Variants in SGIP1 observed in about 807,000 individuals in gnomAD.
SGIP1 encodes the protein SH3-containing GRB2-like protein 3-interacting protein 1.
In SGIP1, 38 loss-of-function variants were observed where a neutral mutation model predicts 107.5. The observed-to-expected ratio is 0.35, with a 90% confidence interval of 0.27 to 0.46. The LOEUF (loss-of-function observed/expected upper bound fraction) is 0.46, where lower values mean the gene tolerates loss of function less well. SGIP1 is among the 20% of genes least tolerant of loss of function. The pLI, the probability that SGIP1 is intolerant of heterozygous loss-of-function variation, is 1.00. For synonymous variants in SGIP1, 365 were observed against 366.1 expected (o/e 1.00, Z 0.03); for missense variants, 929 against 1,019.5 (o/e 0.91, Z 1.21).
chr1:66,634,211 C>A (rs1157799444), intron 3 of SGIP1: 1 of 1,490,662 alleles, frequency 6.7e-7, no homozygotes, highest in Admixed American at 1.8e-5. Context: ...TTGGTCCCCT[C>A]CCTGGGTTCT....
chr1:66,743,038 C>T (rs2094506799), intron 24 of SGIP1, 35 bp from the exon 25 acceptor site: 1 of 1,612,280 alleles, frequency 6.2e-7, no homozygotes, highest in Non-Finnish European at 8.5e-7. Flanking sequence ...ATTGAACTAC[C>T]AGATAACCTG....
intron 3 of SGIP1, among the ~76,000 whole-genome samples, chr1:66,634,747 T>C (rs2075452686): frequency 6.6e-6 from 1 of 152,236 alleles, no homozygotes; most frequent in African/African-American, 2.4e-5. Context: ...ACGTTCAAAA[T>C]AAATGCACTT....
At chr1:66,562,464 G>A (rs772950973) in intron 1 of SGIP1, among the ~76,000 whole-genome samples, 2 of 151,902 alleles carry the variant, frequency 1.3e-5, no homozygotes, top group Non-Finnish European at 2.9e-5. Flanking sequence ...GGGAGTATAT[G>A]AACAATAAAG....
chr1:66,586,066 G>C (rs1424616903), intron 1 of SGIP1, among the ~76,000 whole-genome samples: 1 of 152,036 alleles, frequency 6.6e-6, no homozygotes, highest in Non-Finnish European at 1.5e-5. Flanking sequence ...ATTAAGAATT[G>C]CTAATGTCTC....
chr1:66,644,832 TG>T (rs2077388909), intron 7 of SGIP1, among the ~76,000 whole-genome samples: 1 of 152,276 alleles, frequency 6.6e-6, no homozygotes. Flanking sequence ...ATATTTAAGG[TG>T]ATTTTTAATC....
At chr1:66,588,638 C>CTTTTTTTTTTT (rs35096597) in intron 1 of SGIP1, among the ~76,000 whole-genome samples, 5 of 98,664 alleles carry the variant, frequency 5.1e-5, no homozygotes, top group African/African-American at 1.5e-4. Context: ...CTAGTTAGTT[C>CTTTTTTTTTTT]TTTTTTTTTT....
At chr1:66,555,276 C>T (rs892792272) in intron 1 of SGIP1, among the ~76,000 whole-genome samples, 2 of 152,084 alleles carry the variant, frequency 1.3e-5, no homozygotes, top group Admixed American at 1.3e-4. Flanking sequence ...TTTCCTTCTC[C>T]ATCACTTGTG....
intron 1 of SGIP1, among the ~76,000 whole-genome samples, chr1:66,584,613 C>T (rs1415699730): frequency 6.6e-6 from 1 of 152,068 alleles, no homozygotes; most frequent in African/African-American, 2.4e-5. Context: ...ATGTTAGCTT[C>T]CTTAGCAGGT....
At chr1:66,630,729 C>T (rs1488270046) in intron 2 of SGIP1, among the ~76,000 whole-genome samples, 1 of 148,142 alleles carries the variant, frequency 6.8e-6, no homozygotes, top group Non-Finnish European at 1.5e-5. Context: ...TCACTTGAGC[C>T]TGGGAGGCAG....
chr1:66,659,950 A>AAGAAAAAAAAGAAAG (rs752459188), intron 7 of SGIP1, among the ~76,000 whole-genome samples: 7 of 43,034 alleles, frequency 1.6e-4, no homozygotes, highest in Non-Finnish European at 2.2e-4. Context: ...AAAAGAAAGA[A>AAGAAAAAAAAGAAAG]AAAGAAAGAA....
chr1:66,693,148 G>A (rs189419021), intron 17 of SGIP1, among the ~76,000 whole-genome samples: 6 of 152,030 alleles, frequency 3.9e-5, no homozygotes, highest in African/African-American at 1.2e-4. Flanking sequence ...GGTGGTGTGC[G>A]GTGGTAATCT....
At chr1:66,712,377 C>T (rs1001726854) in intron 18 of SGIP1, among the ~76,000 whole-genome samples, 14 of 152,092 alleles carry the variant, frequency 9.2e-5, no homozygotes, top group East Asian at 3.9e-4. Context: ...AGAGATTATA[C>T]GGAAAATGGA....
At chr1:66,739,161 G>A (rs1262911439) in intron 21 of SGIP1, among the ~76,000 whole-genome samples, 174 bp from the exon 22 acceptor site, 1 of 151,792 alleles carries the variant, frequency 6.6e-6, no homozygotes, top group East Asian at 1.9e-4. Context: ...AGCTGCTTTC[G>A]TGTTTTTAGT....
chr1:66,605,593 C>T (rs780782368), intron 1 of SGIP1, among the ~76,000 whole-genome samples: 24 of 151,488 alleles, frequency 1.6e-4, no homozygotes, highest in Non-Finnish European at 2.9e-4. Flanking sequence ...AACTACTGCG[C>T]TATCTAGTGT....
intron 17 of SGIP1, among the ~76,000 whole-genome samples, chr1:66,694,056 G>T (rs1189353401): frequency 6.6e-6 from 1 of 152,182 alleles, no homozygotes; most frequent in Admixed American, 6.5e-5. Context: ...GATTCTTGTT[G>T]ATGGACATAT....
At chr1:66,718,271 T>C (rs574185235) in intron 18 of SGIP1, among the ~76,000 whole-genome samples, 1 of 152,062 alleles carries the variant, frequency 6.6e-6, no homozygotes, top group Admixed American at 6.6e-5. Context: ...GGGGAAGCAG[T>C]GAGTATTACC....
intron 2 of SGIP1, 71 bp downstream of exon 2, chr1:66,625,981 TAAGATGGC>T: frequency 8.4e-7 from 1 of 1,196,852 alleles, no homozygotes; most frequent in Non-Finnish European, 1.2e-6. Context: ...ACAGTCAATA[TAAGATGGC>T]CACAGTTTTC....
chr1:66,748,529 A>G lies in SGIP1; in HGVS notation c.*5434A>G, dbSNP rs949949243. ...AAAAGACACCTATTTGTTGGCATTG[A>G]CCATGGGTATAATAATTTATTCTCT... On this transcript the variant is annotated 3_prime_UTR_variant, in exon 25 of 25. Coordinates refer to ENST00000371037, the MANE Select transcript of SGIP1 (RefSeq NM_032291.4). 1.3e-5 allele frequency among the ~76,000 whole-genome samples: 2 copies of G among 151,950 alleles called. No individual in the cohort carries two copies. The highest frequency in any genetic ancestry group is 2.9e-5 in the Non-Finnish European group (2 of 67,868).
chr1:66,577,048 A>C (rs1346508429), intron 1 of SGIP1, among the ~76,000 whole-genome samples: 4 of 152,308 alleles, frequency 2.6e-5, no homozygotes, highest in African/African-American at 9.6e-5. Flanking sequence ...GGCAACTTTT[A>C]GTGCATTGGA....
Sources: allele counts gnomAD v4.1 joint callset (sites outside exome capture counted in the v4.1 genomes callset), GRCh38; gene constraint gnomAD v4.1.1; transcripts MANE v1.5; gene names NCBI Gene and HGNC (gene_info 2026-07-23, HGNC 2026-07-21).